NAXD: variants seen among roughly 807,000 people sequenced by gnomAD.
NAXD encodes the protein ATP-dependent (S)-NAD(P)H-hydrate dehydratase.
NAXD carries 22 observed loss-of-function variants against 35.8 expected under a neutral mutation model. That is an observed-to-expected ratio of 0.62 (90% CI 0.44 to 0.88). NAXD has a LOEUF of 0.88. Among genes scored for constraint, NAXD ranks in the 40% least tolerant of loss-of-function variants. NAXD has a pLI of 0.00. For synonymous variants in NAXD, 189 were observed against 177.6 expected, an observed-to-expected ratio of 1.06 and a Z score of -0.51; for missense variants, 428 against 437.7, an observed-to-expected ratio of 0.98 and a Z score of 0.20.
At chr13:110,633,382 A>C (rs998413891) in intron 5 of NAXD, among the ~76,000 whole-genome samples, 3 of 152,154 alleles carry the variant, frequency 2.0e-5, no homozygotes, top group Admixed American at 6.5e-5. Flanking sequence ...CAAGCGCTGC[A>C]GGCAGCCCCA....
intron 4 of NAXD, among the ~76,000 whole-genome samples, chr13:110,626,106 G>A (rs914698197): frequency 1.3e-5 from 2 of 152,052 alleles, no homozygotes; most frequent in Non-Finnish European, 2.9e-5. Flanking sequence ...ACAGGGTGTG[G>A]GGCTGCTGTC....
intron 3 of NAXD, 43 bp from the exon 4 acceptor site, chr13:110,625,147 G>A: frequency 6.8e-7 from 1 of 1,473,906 alleles, no homozygotes; most frequent in Non-Finnish European, 9.5e-7. Flanking sequence ...GGGCAGCGAT[G>A]CCGGAGCGAT....
Position 110,628,008 on chromosome 13 carries a change from C to A in NAXD, c.441+461C>A, listed in dbSNP as rs536649186. ...GTGAGGTGACACGGGCCTGCTTGTC[C>A]GTGCCCACATGCATATGCGCATGGA... On this transcript the variant is annotated intron_variant, in intron 5 of 9. Coordinates refer to ENST00000680254, the MANE Select transcript of NAXD (RefSeq NM_001242882.2). The surrounding 1 kb of genome is among the most constrained non-coding windows in gnomAD (Gnocchi z 4.1). 6.6e-6 allele frequency among the ~76,000 whole-genome samples: 1 copy of A among 152,210 alleles called. No homozygotes were observed. The highest frequency in any genetic ancestry group is 2.1e-4 in the South Asian group (1 of 4,830).
rs377009083 is a variant in NAXD at position 110,622,296 on chromosome 13, A to G, written c.127A>G (p.Ile43Val). Reference sequence around the variant, plus strand: ...TACTTTGCAGCTGGTGAGAAATATCATACCTCCTCTGTCTTCCACAAAGCA... The same window carrying G: ...TACTTTGCAGCTGGTGAGAAATATCGTACCTCCTCTGTCTTCCACAAAGCA... ...ENTLQLVRNIIPPLSSTKHKG... is the reference protein window; with the variant it reads ...ENTLQLVRNIVPPLSSTKHKG... The change falls in exon 2 of 10, where the codon ATA becomes GTA. Residue 43 changes from isoleucine (I) to valine (V), a missense_variant. Physicochemically the swap from Ile to Val is conservative, Grantham distance 29. Coordinates refer to ENST00000680254, the MANE Select transcript of NAXD (RefSeq NM_001242882.2). 150 of 1,614,100 alleles carry G rather than the reference A, an allele frequency of 9.3e-5. No individual in the cohort carries two copies. Among genetic ancestry groups the G allele is most frequent in the Non-Finnish European group, 1.2e-4 (142 of 1,180,026 alleles).
At chr13:110,629,505 G>C (rs1303403060) in intron 5 of NAXD, among the ~76,000 whole-genome samples, 3 of 152,176 alleles carry the variant, frequency 2.0e-5, no homozygotes, top group Admixed American at 6.5e-5. Flanking sequence ...CACTCAGCTA[G>C]TATGCTTTCT....
intron 5 of NAXD, among the ~76,000 whole-genome samples, chr13:110,630,858 T>C (rs1024639196): frequency 1.3e-5 from 2 of 152,210 alleles, no homozygotes; most frequent in African/African-American, 2.4e-5. Flanking sequence ...GTTTCTGTTT[T>C]GTTGATCTGT....
At position 110,635,359 on chromosome 13, in the gene NAXD, T is replaced by C. The variant is rs1886882380; in HGVS notation, c.598-109T>C. On this transcript the variant is annotated intron_variant, in intron 7 of 9. Coordinates refer to ENST00000680254, the MANE Select transcript of NAXD (RefSeq NM_001242882.2). The stretch of plus-strand genomic sequence containing the variant: ...TGGCCTTTAACAGGTGCCTGGGTGA[T>C]CCCTTTAGACACGAGAGCATGAGTC... 4.5e-6 allele frequency: 6 copies of C among 1,322,518 alleles called. No homozygotes were observed. In the South Asian group the frequency reaches 6.7e-5, roughly 15 times the overall value. The allele number at this position is 1,322,518 out of a possible 1,614,324, so 81.9% of individuals were successfully genotyped here.
At chr13:110,618,805 G>A (rs540253162) in intron 1 of NAXD, among the ~76,000 whole-genome samples, 13 of 152,316 alleles carry the variant, frequency 8.5e-5, no homozygotes, top group African/African-American at 3.1e-4. Flanking sequence ...ATCCTTGCCT[G>A]GACTAGCATA....
In NAXD at chr13:110,639,157, A is replaced by T. The variant is rs1887068548; in HGVS notation, c.*629A>T. 5.4e-6 allele frequency: 1 copy of T among 186,842 alleles called. No homozygotes were observed. The highest frequency in any genetic ancestry group is 2.4e-5 in the African/African-American group (1 of 42,518). The allele number at this position is 186,842 out of a possible 1,614,324, so 11.6% of individuals were successfully genotyped here. On this transcript the variant is annotated 3_prime_UTR_variant, in exon 10 of 10. Transcript: ENST00000680254. ...AAACCCTTTTGGAGGCACCATGGGA[A>T]CAGAAGGAAACATGAGTGACGCTGA...
At chr13:110,623,048 G>C (rs1345196149) in intron 2 of NAXD, among the ~76,000 whole-genome samples, 1 of 152,140 alleles carries the variant, frequency 6.6e-6, no homozygotes, top group Non-Finnish European at 1.5e-5. Flanking sequence ...GCGTTAGTGT[G>C]TGTTGCCTCC....
chr13:110,636,301 GC>G (rs1164206097), intron 8 of NAXD, among the ~76,000 whole-genome samples: 1 of 152,256 alleles, frequency 6.6e-6, no homozygotes, highest in Non-Finnish European at 1.5e-5. Flanking sequence ...GAACACTGAG[GC>G]GTCTGTGGGC....
intron 1 of NAXD, 96 bp downstream of exon 1, chr13:110,615,743 A>C: frequency 6.7e-7 from 1 of 1,482,326 alleles, no homozygotes; most frequent in African/African-American, 1.5e-5. Context: ...TCTCGGCCGC[A>C]CTCGCGCTGT....
chr13:110,627,071 G>C (rs1886512285), intron 4 of NAXD, among the ~76,000 whole-genome samples: 1 of 152,188 alleles, frequency 6.6e-6, no homozygotes, highest in Admixed American at 6.5e-5. Context: ...CATTAAAAGA[G>C]AGATCAGGGA....
intron 5 of NAXD, among the ~76,000 whole-genome samples, chr13:110,633,795 C>A (rs1886815015): frequency 2.0e-5 from 3 of 151,692 alleles, no homozygotes; most frequent in Non-Finnish European, 4.4e-5. Flanking sequence ...GAAACCTTCA[C>A]TGTAATCCTA....
In NAXD at chr13:110,618,832, C is replaced by G. The variant is rs1886155288; in HGVS notation, c.46+3185C>G. On this transcript the variant is annotated intron_variant, in intron 1 of 9. Coordinates refer to ENST00000680254, the MANE Select transcript of NAXD (RefSeq NM_001242882.2). Reference sequence around the variant, plus strand: ...ACTAGCATATCTCCTCTTTCTCAACCAAAAAGATCAGAAAGGTGCTATCCC... The same window carrying G: ...ACTAGCATATCTCCTCTTTCTCAACGAAAAAGATCAGAAAGGTGCTATCCC... 2.6e-5 allele frequency among the ~76,000 whole-genome samples: 4 copies of G among 152,342 alleles called. 1 individual carries two copies. The South Asian group carries it at 8.3e-4, about 32-fold the overall frequency.
chr13:110,625,067 G>A (rs554494049), intron 3 of NAXD, 123 bp from the exon 4 acceptor site: 4 of 695,878 alleles, frequency 5.7e-6, no homozygotes, highest in South Asian at 5.1e-5. Context: ...GGTGTAATCC[G>A]AGCTAGTACG....
At chr13:110,616,753 GATAA>G (rs1161101872) in intron 1 of NAXD, among the ~76,000 whole-genome samples, 1 of 152,222 alleles carries the variant, frequency 6.6e-6, no homozygotes, top group African/African-American at 2.4e-5. Flanking sequence ...TGGTATAGAA[GATAA>G]ATAGAAGCTC....
chr13:110,634,397 C>T, intron 5 of NAXD, 148 bp from the exon 6 acceptor site: 2 of 779,046 alleles, frequency 2.6e-6, no homozygotes, highest in Non-Finnish European at 4.4e-6. Context: ...TAAACCAACC[C>T]ATGAGGACAC....
At chr13:110,618,007 C>T (rs1886125775) in intron 1 of NAXD, among the ~76,000 whole-genome samples, 1 of 152,162 alleles carries the variant, frequency 6.6e-6, no homozygotes, top group Non-Finnish European at 1.5e-5. Context: ...TAGTAGGGTG[C>T]TGATTCTCTG....
Sources: allele counts gnomAD v4.1 joint callset (sites outside exome capture counted in the v4.1 genomes callset), GRCh38; gene constraint gnomAD v4.1.1; non-coding constraint Gnocchi (gnomAD v3.1); transcripts MANE v1.5; gene names NCBI Gene and HGNC (gene_info 2026-07-23, HGNC 2026-07-21).